Variants in MAGED1 observed in about 807,000 individuals in gnomAD.
The protein encoded by MAGED1 is melanoma-associated antigen D1.
Under a neutral mutation model 54.1 loss-of-function variants are expected in MAGED1, and 3 were observed. The ratio of observed to expected loss-of-function variants is 0.06; its 90% CI spans 0.03 to 0.14. MAGED1 has a LOEUF of 0.14. MAGED1 is among the 10% of genes least tolerant of loss of function. MAGED1 has a pLI of 1.00. For synonymous variants in MAGED1, 217 were observed against 227.3 expected (o/e 0.95, Z 0.41); for missense variants, 485 against 623.4 (o/e 0.78, Z 2.36).
chrX:51,868,063 A>G (rs1326398569), intron 1 of MAGED1, among the ~76,000 whole-genome samples: 2 of 112,614 alleles, frequency 1.8e-5, no homozygotes, highest in African/African-American at 3.2e-5. Flanking sequence ...ATAACAAAAC[A>G]TGAAGAAATG....
chrX:51,876,321 A>G (rs781994976), intron 1 of MAGED1, among the ~76,000 whole-genome samples: 1 of 109,974 alleles, frequency 9.1e-6, no homozygotes, highest in East Asian at 2.8e-4. Context: ...TGTTAAACAC[A>G]TACTGAAGCC....
chrX:51,860,520 A>G (rs1019040797), intron 1 of MAGED1, among the ~76,000 whole-genome samples: 1 of 111,666 alleles, frequency 9.0e-6, no homozygotes, highest in Non-Finnish European at 1.9e-5. Context: ...AGTTGCAAAA[A>G]CCATTCATGG....
At chrX:51,809,000 A>G (rs1925123073) in intron 1 of MAGED1, among the ~76,000 whole-genome samples, 1 of 112,291 alleles carries the variant, frequency 8.9e-6, no homozygotes, top group Non-Finnish European at 1.9e-5. Context: ...TCTTAAAGTT[A>G]TAGTTATACA....
intron 9 of MAGED1, 105 bp from the exon 10 acceptor site, chrX:51,898,476 A>C: frequency 3.1e-6 from 3 of 968,524 alleles, no homozygotes; most frequent in Non-Finnish European, 4.3e-6. Flanking sequence ...ATGGGGAAAC[A>C]GTTCTGAACT....
At chrX:51,900,937 T>C (rs1557364886) in intron 11 of MAGED1, among the ~76,000 whole-genome samples, 1 of 112,466 alleles carries the variant, frequency 8.9e-6, no homozygotes, top group Non-Finnish European at 1.9e-5. Context: ...CCCGGCCCAT[T>C]CATTTATTTT....
intron 1 of MAGED1, among the ~76,000 whole-genome samples, chrX:51,859,645 A>C (rs182426145): frequency 1.8e-5 from 2 of 111,827 alleles, no homozygotes; most frequent in East Asian, 5.7e-4. Flanking sequence ...GGACTTCGGC[A>C]GATGTGATCA....
chrX:51,859,496 T>A (rs1386562131), intron 1 of MAGED1, among the ~76,000 whole-genome samples: 1 of 112,087 alleles, frequency 8.9e-6, no homozygotes, highest in Non-Finnish European at 1.9e-5. Context: ...ATGGTCATAA[T>A]GTGAATGGTA....
At chrX:51,886,918 T>C (rs1284446568) in intron 1 of MAGED1, among the ~76,000 whole-genome samples, 1 of 109,930 alleles carries the variant, frequency 9.1e-6, no homozygotes, top group African/African-American at 3.3e-5. Context: ...TAACTGGGCA[T>C]GGTGTCACGC....
At chrX:51,898,868 G>C (rs1453872212) in intron 10 of MAGED1, 1 of 336,751 alleles carries the variant, frequency 3.0e-6, no homozygotes, top group African/African-American at 2.7e-5. Context: ...GCCAGGCGTG[G>C]TGACATGCAC....
intron 1 of MAGED1, among the ~76,000 whole-genome samples, chrX:51,836,996 C>A (rs1557357989): frequency 9.0e-6 from 1 of 111,657 alleles, no homozygotes; most frequent in African/African-American, 3.3e-5. Context: ...TCACTGGACT[C>A]TGAGCTTTGT....
chrX:51,805,848 T>A (rs1475621362), intron 1 of MAGED1, among the ~76,000 whole-genome samples: 2 of 110,386 alleles, frequency 1.8e-5, no homozygotes, highest in Non-Finnish European at 3.8e-5. Context: ...TCTATTTTTT[T>A]ATCTATTTTG....
intron 1 of MAGED1, among the ~76,000 whole-genome samples, chrX:51,831,141 G>A (rs1926050622): frequency 8.9e-6 from 1 of 112,218 alleles, no homozygotes; most frequent in Non-Finnish European, 1.9e-5. Context: ...ACAGGCGTGA[G>A]CCACTGCACC....
Position 51,885,294 on chromosome X carries a change from G to GT in MAGED1, c.-36-8971dup, listed in dbSNP as rs1557362746. On this transcript the variant is annotated intron_variant, in intron 1 of 12. Transcript: ENST00000375772. ...TGGAGAGAAATTATATCTCTTTGTG[G>GT]TTTTGATTTATATTTCTCTAATGAC... 2.7e-5 allele frequency among the ~76,000 whole-genome samples: 3 copies of GT among 111,859 alleles called. No homozygotes were observed. In the East Asian group the frequency reaches 8.4e-4, roughly 31 times the overall value.
intron 1 of MAGED1, among the ~76,000 whole-genome samples, chrX:51,864,918 C>A (rs922561864): frequency 2.7e-5 from 3 of 111,811 alleles, no homozygotes; most frequent in Non-Finnish European, 3.8e-5. Context: ...TCACTTCTTC[C>A]TTTCCAATTT....
rs7471843 is a variant in MAGED1, at chrX:51,841,144, G to A, written c.-37+38027G>A. 1.8e-4 allele frequency among the ~76,000 whole-genome samples: 19 copies of A among 104,757 alleles called. 1 individual carries two copies. The East Asian group carries it at 5.9e-3, about 33-fold the overall frequency. The allele number at this position is 104,757 out of a possible 115,157, so 91.0% of individuals were successfully genotyped here. Reference sequence around the variant, plus strand: ...TCGCCATTCTAACTGGTGTGAGATGGTATCTCATTGTGGTTTTGATTTGCA... The same window carrying A: ...TCGCCATTCTAACTGGTGTGAGATGATATCTCATTGTGGTTTTGATTTGCA... On this transcript the variant is annotated intron_variant, in intron 1 of 12. Coordinates refer to the MAGED1 transcript ENST00000375772.
chrX:51,882,266 T>A (rs782090286), intron 1 of MAGED1, among the ~76,000 whole-genome samples: 309 of 111,916 alleles, frequency 2.8e-3, no homozygotes, highest in African/African-American at 9.8e-3. Flanking sequence ...CTATTCATAT[T>A]GTAAAAGAAG....
intron 1 of MAGED1, among the ~76,000 whole-genome samples, chrX:51,863,125 C>A (rs952446900): frequency 8.9e-6 from 1 of 112,287 alleles, no homozygotes; most frequent in Non-Finnish European, 1.9e-5. Context: ...ACTTCCCCCA[C>A]ACACTGGCTG....
At chrX:51,843,208 T>TTGTGGTAAGCTCAA (rs1329832607) in intron 1 of MAGED1, among the ~76,000 whole-genome samples, 55 of 111,702 alleles carry the variant, frequency 4.9e-4, no homozygotes, top group African/African-American at 1.8e-3. Context: ...CAGATTGTTT[T>TTGTGGTAAGCTCAA]TGTGGTAAGC....
At chrX:51,833,209 G>A (rs1001395517) in intron 1 of MAGED1, among the ~76,000 whole-genome samples, 2 of 109,558 alleles carry the variant, frequency 1.8e-5, no homozygotes, top group East Asian at 5.7e-4. Context: ...ATTATATTGT[G>A]GTTAGATTTC....
Sources: gnomAD v4.1 joint callset for allele counts (sites outside exome capture counted in the v4.1 genomes callset) on GRCh38, gnomAD v4.1.1 for gene constraint, MANE v1.5 for transcripts, NCBI Gene and HGNC (gene_info 2026-07-23, HGNC 2026-07-21) for gene names.